The following MINDY3 variants were observed in gnomAD, a reference collection of about 807,000 sequenced individuals.
The protein encoded by MINDY3 is ubiquitin carboxyl-terminal hydrolase MINDY-3.
In MINDY3, 38 loss-of-function variants were observed where a neutral mutation model predicts 69.2. That is an observed-to-expected ratio of 0.55 (90% CI 0.42 to 0.72). The LOEUF is 0.72. Ranked by LOEUF, MINDY3 falls within the 30% of genes least tolerant of loss-of-function variation. The probability of loss-of-function intolerance (pLI) is 0.00; values close to 1 mark genes in which losing one functional copy is unlikely to be tolerated. For synonymous variants in MINDY3, 192 were observed against 180.1 expected (o/e 1.07, Z -0.53); for missense variants, 522 against 519.0 (o/e 1.01, Z -0.06).
intron 8 of MINDY3, among the ~76,000 whole-genome samples, chr10:15,830,370 A>G (rs1355417500): frequency 6.6e-6 from 1 of 152,202 alleles, no homozygotes; most frequent in East Asian, 1.9e-4. Flanking sequence ...ATCCTGTGAT[A>G]ATCATTCCCG....
chr10:15,816,068 C>A (rs1043667606), intron 10 of MINDY3, among the ~76,000 whole-genome samples: 5 of 151,812 alleles, frequency 3.3e-5, no homozygotes, highest in African/African-American at 1.2e-4. Flanking sequence ...GAGTTTGAGA[C>A]CAGCCTGGCC....
At chr10:15,839,287 ATTAAG>A (rs764131845) in intron 4 of MINDY3, among the ~76,000 whole-genome samples, 63 of 151,772 alleles carry the variant, frequency 4.2e-4, no homozygotes, top group Non-Finnish European at 5.6e-4. Context: ...GTCCAAATGT[ATTAAG>A]TTATTTCTTG....
intron 3 of MINDY3, among the ~76,000 whole-genome samples, chr10:15,842,028 C>T (rs775540775): frequency 1.3e-5 from 2 of 151,664 alleles, no homozygotes; most frequent in African/African-American, 4.8e-5. Context: ...ATGATCACCC[C>T]GTCCCAAAGG....
chr10:15,856,549 G>A (rs976426224), intron 1 of MINDY3, among the ~76,000 whole-genome samples: 1 of 152,072 alleles, frequency 6.6e-6, no homozygotes, highest in Admixed American at 6.5e-5. Flanking sequence ...GGCTATAAGA[G>A]TTTACACTCT....
At chr10:15,812,863 T>A (rs1839101951) in intron 10 of MINDY3, among the ~76,000 whole-genome samples, 1 of 152,184 alleles carries the variant, frequency 6.6e-6, no homozygotes, top group Admixed American at 6.5e-5. Context: ...CCTATCTTAT[T>A]AGACATTTCT....
chr10:15,794,394 G>C (rs903291779), intron 11 of MINDY3, among the ~76,000 whole-genome samples: 9 of 152,066 alleles, frequency 5.9e-5, no homozygotes, highest in African/African-American at 2.2e-4. Flanking sequence ...TCTTAGAGCT[G>C]ACTATACACA....
At chr10:15,847,439 T>C (rs951965172) in intron 2 of MINDY3, among the ~76,000 whole-genome samples, 1 of 152,228 alleles carries the variant, frequency 6.6e-6, no homozygotes, top group African/African-American at 2.4e-5. Flanking sequence ...TTTTTCAAAT[T>C]TGAAAAAGTT....
intron 5 of MINDY3, 42 bp from the exon 6 acceptor site, chr10:15,837,360 T>A (rs772657825): frequency 2.1e-6 from 3 of 1,398,580 alleles, no homozygotes; most frequent in African/African-American, 2.9e-5. Flanking sequence ...CATGATGAGA[T>A]TAACTACATT....
chr10:15,815,791 GA>G (rs1839314222), intron 10 of MINDY3, among the ~76,000 whole-genome samples: 1 of 152,144 alleles, frequency 6.6e-6, no homozygotes, highest in African/African-American at 2.4e-5. Context: ...GTACTATTAT[GA>G]ATCCCTATTT....
intron 8 of MINDY3, among the ~76,000 whole-genome samples, chr10:15,826,463 C>T (rs1268835219): frequency 6.6e-6 from 1 of 152,098 alleles, no homozygotes; most frequent in African/African-American, 2.4e-5. Context: ...ATGTACAAAA[C>T]AATCTAGTTG....
intron 1 of MINDY3, among the ~76,000 whole-genome samples, chr10:15,848,966 T>C (rs1320572215): frequency 6.6e-6 from 1 of 152,214 alleles, no homozygotes; most frequent in Non-Finnish European, 1.5e-5. Context: ...TTAATGAACA[T>C]CTGATATTAT....
chr10:15,837,280 G>T lies in MINDY3; in HGVS notation c.500C>A (p.Ala167Asp). ...CCACATTGAATACTGGTCCAAGACA[G>T]CATCTTTTAATTCTGGTAAACTTCT... ...SFRSLPELKD[A>D]VLDQYSMWGN... The change falls in exon 6 of 15, where the codon GCT becomes GAT. Residue 167 changes from alanine (A) to aspartate (D), a missense_variant. Ala to Asp is a moderately radical substitution (Grantham distance 126, BLOSUM62 -2). Coordinates refer to ENST00000277632, the MANE Select transcript of MINDY3 (RefSeq NM_024948.4). 1 of 1,606,006 alleles carries T rather than the reference G, an allele frequency of 6.2e-7. No homozygotes were observed. Among genetic ancestry groups the T allele is most frequent in the Non-Finnish European group, 8.5e-7 (1 of 1,176,356 alleles).
intron 10 of MINDY3, among the ~76,000 whole-genome samples, chr10:15,801,184 G>A (rs1489814371): frequency 6.6e-6 from 1 of 152,146 alleles, no homozygotes; most frequent in Non-Finnish European, 1.5e-5. Context: ...CCGGCATGGG[G>A]GGGAAATGCC....
At chr10:15,859,625 A>C (rs1834944143) in intron 1 of MINDY3, among the ~76,000 whole-genome samples, 1 of 151,424 alleles carries the variant, frequency 6.6e-6, no homozygotes, top group African/African-American at 2.5e-5. Context: ...TTTAACCGTG[A>C]CAGATAATAA....
intron 1 of MINDY3, among the ~76,000 whole-genome samples, 184 bp downstream of exon 1, chr10:15,860,022 C>T (rs566445488): frequency 1.4e-4 from 21 of 152,336 alleles, no homozygotes; most frequent in Non-Finnish European, 2.2e-4. Context: ...TAACCATTCT[C>T]CTACTCAAAC....
At chr10:15,802,835 T>C (rs994218555) in intron 10 of MINDY3, among the ~76,000 whole-genome samples, 1 of 151,992 alleles carries the variant, frequency 6.6e-6, no homozygotes, top group Non-Finnish European at 1.5e-5. Context: ...CATGTTTTGC[T>C]CTTTTGGTCT....
At chr10:15,824,116 T>C (rs1452890325) in intron 8 of MINDY3, among the ~76,000 whole-genome samples, 2 of 152,212 alleles carry the variant, frequency 1.3e-5, no homozygotes, top group African/African-American at 4.8e-5. Flanking sequence ...CCCTTTGATA[T>C]ACTGATTTCT....
intron 10 of MINDY3, among the ~76,000 whole-genome samples, chr10:15,797,734 T>C (rs1314832645): frequency 6.6e-6 from 1 of 152,174 alleles, no homozygotes; most frequent in Non-Finnish European, 1.5e-5. Flanking sequence ...CTTAGCTCTA[T>C]AATTAACTCT....
chr10:15,782,926 C>G (rs1267690649), intron 13 of MINDY3, among the ~76,000 whole-genome samples: 2 of 152,178 alleles, frequency 1.3e-5, no homozygotes, highest in Admixed American at 6.5e-5. Flanking sequence ...CCCTCTTAAC[C>G]TGGCGTTCAA....
Sources: allele counts gnomAD v4.1 joint callset (sites outside exome capture counted in the v4.1 genomes callset), GRCh38; gene constraint gnomAD v4.1.1; transcripts MANE v1.5; gene names NCBI Gene and HGNC (gene_info 2026-07-23, HGNC 2026-07-21).